EFNA5: variants seen among roughly 807,000 people sequenced by gnomAD.
EFNA5 encodes the protein ephrin-A5.
A neutral mutation model predicts 22.9 loss-of-function variants in EFNA5; 5 were observed. The ratio of observed to expected loss-of-function variants is 0.22; its 90% CI spans 0.11 to 0.46. The LOEUF (loss-of-function observed/expected upper bound fraction) is 0.46. EFNA5 is among the 20% of genes least tolerant of loss of function. The pLI is 0.99. For missense variants in EFNA5, 237 were observed against 293.3 expected (o/e 0.81, Z 1.40); for synonymous variants, 113 against 112.2 (o/e 1.01, Z -0.04).
chr5:107,573,740 G>C (rs10043284), intron 1 of EFNA5, among the ~76,000 whole-genome samples: 19,996 of 152,088 alleles, frequency 0.13, 1,947 homozygotes, highest in African/African-American at 0.27. Flanking sequence ...CCTATCAAAA[G>C]GTCTGGGAAT....
intron 1 of EFNA5, among the ~76,000 whole-genome samples, chr5:107,558,098 G>C (rs1443225689): frequency 6.6e-6 from 1 of 152,016 alleles, no homozygotes; most frequent in Non-Finnish European, 1.5e-5. Context: ...AAGTCTGAGA[G>C]GGGGAGGGGC....
chr5:107,439,938 C>T (rs1749213484), intron 1 of EFNA5, among the ~76,000 whole-genome samples: 1 of 152,190 alleles, frequency 6.6e-6, no homozygotes, highest in East Asian at 1.9e-4. Flanking sequence ...TTTGTTAACA[C>T]CAGAATACAT....
intron 1 of EFNA5, among the ~76,000 whole-genome samples, chr5:107,554,669 T>A (rs1175990699): frequency 6.6e-6 from 1 of 152,200 alleles, no homozygotes; most frequent in Non-Finnish European, 1.5e-5. Flanking sequence ...CTCAATTTAT[T>A]TAATCCTTTG....
At chr5:107,460,417 G>C (rs1259182180) in intron 1 of EFNA5, among the ~76,000 whole-genome samples, 7 of 152,138 alleles carry the variant, frequency 4.6e-5, no homozygotes, top group Non-Finnish European at 8.8e-5. Flanking sequence ...GTGCAAAATG[G>C]ATACAGCACA....
chr5:107,554,842 G>A (rs981876698), intron 1 of EFNA5, among the ~76,000 whole-genome samples: 4 of 150,778 alleles, frequency 2.7e-5, no homozygotes, highest in South Asian at 2.1e-4. Context: ...CTAAATGCCC[G>A]AGCCAAGATG....
chr5:107,474,648 G>A (rs188418129), intron 1 of EFNA5, among the ~76,000 whole-genome samples: 5 of 152,206 alleles, frequency 3.3e-5, no homozygotes, highest in East Asian at 3.9e-4. Context: ...GTTGAAGGGC[G>A]TATCTTTAGG....
At chr5:107,550,080 CA>C (rs1212222513) in intron 1 of EFNA5, among the ~76,000 whole-genome samples, 4 of 152,160 alleles carry the variant, frequency 2.6e-5, no homozygotes. Context: ...AAGACATTAA[CA>C]AAGAAAACTG....
chr5:107,400,821 A>G (rs1748062808), intron 2 of EFNA5, among the ~76,000 whole-genome samples: 1 of 152,218 alleles, frequency 6.6e-6, no homozygotes. Context: ...ATTACCTTTT[A>G]TATTTCCTCT....
intron 1 of EFNA5, among the ~76,000 whole-genome samples, chr5:107,530,702 G>A (rs1480776425): frequency 6.6e-6 from 1 of 152,196 alleles, no homozygotes; most frequent in African/African-American, 2.4e-5. Context: ...CTGCTTACTA[G>A]TGTCATGGCC....
chr5:107,633,732 G>T (rs1340557546), intron 1 of EFNA5, among the ~76,000 whole-genome samples: 1 of 152,198 alleles, frequency 6.6e-6, no homozygotes, highest in East Asian at 1.9e-4. Context: ...ACAGCAGGGA[G>T]CACATTCACC....
chr5:107,409,361 G>A (rs537742698), intron 2 of EFNA5, among the ~76,000 whole-genome samples: 85 of 152,326 alleles, frequency 5.6e-4, no homozygotes, highest in Non-Finnish European at 4.1e-4. Context: ...TTAAGCCTGT[G>A]AGAGATTGGA....
chr5:107,556,701 G>A lies in EFNA5; in HGVS notation c.125+113788C>T, dbSNP rs1451930359. Among the ~76,000 whole-genome samples, 18 of 151,598 alleles carry A rather than the reference G, an allele frequency of 1.2e-4. 1 individual carries two copies. The East Asian group carries it at 1.9e-3, about 16-fold the overall frequency. The stretch of plus-strand genomic sequence containing the variant: ...GCGGGGGTTGCAGTGAGTCGAGATC[G>A]CAGCATTGCACTCCAGCCTGGGTGA... On this transcript the variant is annotated intron_variant, in intron 1 of 4. Transcript: ENST00000333274.
intron 2 of EFNA5, among the ~76,000 whole-genome samples, chr5:107,409,988 T>A (rs796671001): frequency 4.6e-5 from 7 of 151,858 alleles, no homozygotes; most frequent in African/African-American, 1.7e-4. Context: ...ACCGGTCTTG[T>A]AGGAACAGCC....
intron 1 of EFNA5, among the ~76,000 whole-genome samples, chr5:107,527,443 T>A (rs951872890): frequency 2.0e-5 from 3 of 151,938 alleles, no homozygotes; most frequent in Non-Finnish European, 4.4e-5. Context: ...TATGCCACCA[T>A]GCCCAGCTAA....
At chr5:107,606,614 A>G (rs1301755547) in intron 1 of EFNA5, among the ~76,000 whole-genome samples, 1 of 151,452 alleles carries the variant, frequency 6.6e-6, no homozygotes, top group Non-Finnish European at 1.5e-5. Flanking sequence ...CAGAATTTTT[A>G]TCTGAGCCAC....
At chr5:107,561,312 C>T (rs771855639) in intron 1 of EFNA5, among the ~76,000 whole-genome samples, 1 of 152,120 alleles carries the variant, frequency 6.6e-6, no homozygotes, top group Non-Finnish European at 1.5e-5. Flanking sequence ...TACCTGGTAC[C>T]ACTTGTGTTA....
chr5:107,490,223 C>A (rs548503689), intron 1 of EFNA5, among the ~76,000 whole-genome samples: 147 of 150,250 alleles, frequency 9.8e-4, no homozygotes, highest in Non-Finnish European at 1.5e-3. Context: ...GTAACCAGTG[C>A]ATAGTGAACT....
chr5:107,617,846 T>TA (rs976822730), intron 1 of EFNA5, among the ~76,000 whole-genome samples: 1 of 152,032 alleles, frequency 6.6e-6, no homozygotes, highest in Non-Finnish European at 1.5e-5. Context: ...AGTGGACCTA[T>TA]AAAAAACTCA....
intron 1 of EFNA5, among the ~76,000 whole-genome samples, chr5:107,528,719 T>C (rs1286948778): frequency 6.6e-6 from 1 of 152,224 alleles, no homozygotes; most frequent in African/African-American, 2.4e-5. Context: ...CTCTCAGTGA[T>C]ATCATTATGG....
Sources: allele counts gnomAD v4.1 joint callset (sites outside exome capture counted in the v4.1 genomes callset), GRCh38; gene constraint gnomAD v4.1.1; transcripts MANE v1.5; gene names NCBI Gene and HGNC (gene_info 2026-07-23, HGNC 2026-07-21).